STK33: variants seen among roughly 807,000 people sequenced by gnomAD.
STK33 encodes the protein serine/threonine kinase 33.
A neutral mutation model predicts 58.0 loss-of-function variants in STK33; 52 were observed. The observed-to-expected ratio is 0.90, with a 90% CI of 0.72 to 1.13. STK33 has a LOEUF of 1.13. STK33 is among the 50% of genes most tolerant of loss of function. The pLI is 0.00. For synonymous variants in STK33, 215 were observed against 200.1 expected, an observed-to-expected ratio of 1.07 and a Z score of -0.63; for missense variants, 630 against 604.2, an observed-to-expected ratio of 1.04 and a Z score of -0.45.
intron 15 of STK33, among the ~76,000 whole-genome samples, chr11:8,393,156 C>T (rs1174072251): frequency 6.6e-6 from 1 of 152,168 alleles, no homozygotes. Context: ...CACTATCTTC[C>T]CACATTAATT....
At chr11:8,539,191 T>G (rs1481489932) in intron 1 of STK33, among the ~76,000 whole-genome samples, 1 of 152,172 alleles carries the variant, frequency 6.6e-6, no homozygotes, top group Non-Finnish European at 1.5e-5. Flanking sequence ...AACAAAATTG[T>G]AGATAACTTT....
intron 14 of STK33, among the ~76,000 whole-genome samples, chr11:8,428,712 T>C (rs7118189): frequency 0.6 from 90,361 of 151,684 alleles, 27,596 homozygotes; most frequent in African/African-American, 0.71. Context: ...CATTGCTGAA[T>C]ATTGTCTCAT....
the STK33 span, among the ~76,000 whole-genome samples, chr11:8,373,932 T>C: frequency 6.6e-6 from 1 of 152,226 alleles, no homozygotes; most frequent in Non-Finnish European, 1.5e-5. Context: ...TCAGGTGCCT[T>C]CCTGGGCACT....
At chr11:8,555,683 AAATAAC>A (rs1286278006) in intron 1 of STK33, among the ~76,000 whole-genome samples, 3 of 151,954 alleles carry the variant, frequency 2.0e-5, no homozygotes, top group East Asian at 1.9e-4. Context: ...ATAAAAATAA[AAATAAC>A]AATAATAAAG....
intron 1 of STK33, among the ~76,000 whole-genome samples, chr11:8,569,665 A>G (rs1957671378): frequency 2.0e-5 from 3 of 152,162 alleles, no homozygotes; most frequent in Admixed American, 6.5e-5. Context: ...CATTAAGAAA[A>G]TCAATAGGTG....
At chr11:8,427,020 T>A (rs910836683) in intron 14 of STK33, among the ~76,000 whole-genome samples, 1 of 152,190 alleles carries the variant, frequency 6.6e-6, no homozygotes, top group African/African-American at 2.4e-5. Context: ...TCTTTGGTTT[T>A]GTGTTTTGTT....
At chr11:8,363,043 G>A in the STK33 span, among the ~76,000 whole-genome samples, 4 of 152,338 alleles carry the variant, frequency 2.6e-5, no homozygotes, top group Admixed American at 6.5e-5. Flanking sequence ...GGGCTCCAGG[G>A]TGGAGCAGGT....
intron 14 of STK33, among the ~76,000 whole-genome samples, chr11:8,428,105 C>A (rs1291064105): frequency 6.6e-6 from 1 of 152,206 alleles, no homozygotes; most frequent in Non-Finnish European, 1.5e-5. Flanking sequence ...CTCCTCCCGC[C>A]AGGAGAAATA....
At chr11:8,473,404 T>C (rs1192505642) in intron 5 of STK33, 128 bp from the exon 6 acceptor site, 1 of 619,284 alleles carries the variant, frequency 1.6e-6, no homozygotes, top group African/African-American at 1.9e-5. Context: ...ACAAGATTGT[T>C]TACTGTCTTT....
chr11:8,586,024 G>A (rs1192506796), intron 1 of STK33, among the ~76,000 whole-genome samples: 1 of 152,004 alleles, frequency 6.6e-6, no homozygotes, highest in Non-Finnish European at 1.5e-5. Flanking sequence ...CTGTACTCCA[G>A]CCTGGGCAAC....
At chr11:8,570,275 G>A (rs1485454629) in intron 1 of STK33, among the ~76,000 whole-genome samples, 2 of 152,168 alleles carry the variant, frequency 1.3e-5, no homozygotes, top group Non-Finnish European at 2.9e-5. Flanking sequence ...AAATATTAGG[G>A]AAGGATGTAA....
chr11:8,507,417 C>A (rs1260425014), intron 1 of STK33, among the ~76,000 whole-genome samples: 5 of 152,152 alleles, frequency 3.3e-5, no homozygotes, highest in Non-Finnish European at 5.9e-5. Flanking sequence ...TGAGTTAATA[C>A]ATATAAAATA....
intron 1 of STK33, among the ~76,000 whole-genome samples, chr11:8,549,272 A>G (rs546562037): frequency 6.6e-6 from 1 of 152,220 alleles, no homozygotes; most frequent in African/African-American, 2.4e-5. Flanking sequence ...GATGTGTCAT[A>G]TTTATTAATT....
At chr11:8,432,941 T>C (rs1247406631) in intron 14 of STK33, among the ~76,000 whole-genome samples, 4 of 152,166 alleles carry the variant, frequency 2.6e-5, no homozygotes, top group African/African-American at 9.7e-5. Flanking sequence ...AAATGGAGAC[T>C]ACTAGAAAAA....
At chr11:8,457,193 T>A (rs561717408) in intron 9 of STK33, 148 bp downstream of exon 9, 28 of 604,556 alleles carry the variant, frequency 4.6e-5, no homozygotes, top group Non-Finnish European at 6.3e-5. Context: ...AAAAAGAAAG[T>A]TAAAAAGGAA....
the STK33 span, among the ~76,000 whole-genome samples, chr11:8,375,749 A>G: frequency 6.6e-6 from 1 of 151,846 alleles, no homozygotes; most frequent in East Asian, 1.9e-4. Context: ...TTCACTTGGC[A>G]CTTCTCCTTC....
At chr11:8,535,211 T>C (rs1954901855) in intron 1 of STK33, among the ~76,000 whole-genome samples, 1 of 152,144 alleles carries the variant, frequency 6.6e-6, no homozygotes. Context: ...ATATACTGAG[T>C]TATTGGGCTT....
intron 15 of STK33, among the ~76,000 whole-genome samples, chr11:8,403,999 G>A (rs1938616538): frequency 6.6e-6 from 1 of 152,190 alleles, no homozygotes; most frequent in Admixed American, 6.5e-5. Flanking sequence ...ACAATTTCTA[G>A]AGTCACACAT....
At chr11:8,579,987 GA>G (rs2029868365) in intron 1 of STK33, among the ~76,000 whole-genome samples, 1 of 152,132 alleles carries the variant, frequency 6.6e-6, no homozygotes, top group Non-Finnish European at 1.5e-5. Context: ...AGGAGATGTG[GA>G]GAAAAGGGAA....
Sources: gnomAD v4.1 joint callset for allele counts (sites outside exome capture counted in the v4.1 genomes callset) on GRCh38, gnomAD v4.1.1 for gene constraint, MANE v1.5 for transcripts, NCBI Gene and HGNC (gene_info 2026-07-23, HGNC 2026-07-21) for gene names.